Variants in ASTN2 observed in about 807,000 individuals in gnomAD.
The protein encoded by ASTN2 is astrotactin 2.
In ASTN2, 54 loss-of-function variants were observed where a neutral mutation model predicts 139.8. The observed-to-expected ratio is 0.39, with a 90% confidence interval of 0.31 to 0.48. ASTN2 has a LOEUF of 0.48. ASTN2 is among the 20% of genes least tolerant of loss of function. The probability of loss-of-function intolerance (pLI) is 0.95; values close to 1 mark genes in which losing one functional copy is unlikely to be tolerated. For missense variants in ASTN2, 1,565 were observed against 1,725.1 expected, an observed-to-expected ratio of 0.91 and a Z score of 1.64; for synonymous variants, 756 against 719.5, an observed-to-expected ratio of 1.05 and a Z score of -0.81.
Position 116,699,983 on chromosome 9 carries a change from A to C in ASTN2, c.2806+25788T>G, listed in dbSNP as rs1390435706. The stretch of plus-strand genomic sequence containing the variant: ...AGCAATTAGGCACTTCCAAGGCTTT[A>C]GTAGAGAGAGCCACTTTAGCCCTTT... On this transcript the variant is annotated intron_variant, in intron 16 of 22. Transcript: ENST00000313400. This position sits in a 1 kb window ranked among gnomAD's most constrained non-coding sequence, Gnocchi z 4.2. 3 of 526,738 alleles carry C rather than the reference A, an allele frequency of 5.7e-6. No individual in the cohort carries two copies. Among genetic ancestry groups the C allele is most frequent in the Non-Finnish European group, 1.0e-5 (3 of 287,912 alleles). 32.6% of individuals were successfully genotyped at this position (526,738 alleles called of 1,614,324 possible).
At chr9:117,346,652 T>C (rs1189683548) in intron 1 of ASTN2, among the ~76,000 whole-genome samples, 1 of 152,184 alleles carries the variant, frequency 6.6e-6, no homozygotes, top group African/African-American at 2.4e-5. Flanking sequence ...AAAATAACTG[T>C]ACCATCATAT....
At chr9:116,679,587 C>T (rs1203393052) in intron 16 of ASTN2, among the ~76,000 whole-genome samples, 3 of 152,112 alleles carry the variant, frequency 2.0e-5, no homozygotes, top group East Asian at 1.9e-4. Flanking sequence ...GCTGCCCTCA[C>T]CACACCACAC....
chr9:116,711,612 A>C (rs558676033), intron 16 of ASTN2, among the ~76,000 whole-genome samples: 30 of 152,254 alleles, frequency 2.0e-4, no homozygotes, highest in African/African-American at 6.7e-4. Flanking sequence ...AGTATATTCA[A>C]AACTGAACTT....
chr9:117,111,496 A>T (rs1395474860), intron 4 of ASTN2, among the ~76,000 whole-genome samples: 1 of 152,172 alleles, frequency 6.6e-6, no homozygotes, highest in Non-Finnish European at 1.5e-5. Context: ...GGCTTTGATT[A>T]ACAGAACTTT....
chr9:116,546,801 ACT>A (rs1311659028), intron 19 of ASTN2: 1 of 151,964 alleles, frequency 6.6e-6, no homozygotes, highest in Non-Finnish European at 1.5e-5. Flanking sequence ...TAAATTTCCA[ACT>A]CTCTGATGAG....
chr9:116,996,835 C>T (rs10983448), intron 7 of ASTN2, among the ~76,000 whole-genome samples: 2 of 151,788 alleles, frequency 1.3e-5, no homozygotes, highest in Non-Finnish European at 1.5e-5. Flanking sequence ...ATATTTAGAA[C>T]CTTCCTGGAT....
At chr9:116,481,109 TG>T (rs1196575552) in intron 20 of ASTN2, among the ~76,000 whole-genome samples, 7 of 152,216 alleles carry the variant, frequency 4.6e-5, no homozygotes, top group African/African-American at 1.7e-4. Context: ...TGAAGCAGTC[TG>T]GGCATGGTTG....
At chr9:116,797,909 A>C (rs1830744795) in intron 13 of ASTN2, among the ~76,000 whole-genome samples, 1 of 152,196 alleles carries the variant, frequency 6.6e-6, no homozygotes, top group African/African-American at 2.4e-5. Context: ...TGGCTTATTC[A>C]TTTATTAGTG....
At chr9:117,149,973 A>T (rs1236999411) in intron 3 of ASTN2, among the ~76,000 whole-genome samples, 1 of 152,214 alleles carries the variant, frequency 6.6e-6, no homozygotes, top group Non-Finnish European at 1.5e-5. Flanking sequence ...AAAGGAGCAA[A>T]TATAAATTGG....
intron 19 of ASTN2, chr9:116,613,490 A>G (rs1855664810): frequency 6.5e-6 from 1 of 153,138 alleles, no homozygotes; most frequent in African/African-American, 2.4e-5. Context: ...AAATATTGGC[A>G]AACCAAATCC....
intron 5 of ASTN2, among the ~76,000 whole-genome samples, chr9:117,074,772 T>C (rs1008050747): frequency 5.9e-5 from 9 of 152,216 alleles, no homozygotes; most frequent in African/African-American, 2.2e-4. Context: ...CTATATATTA[T>C]GTAAATACAC....
At chr9:116,904,632 T>C (rs1564333202) in intron 10 of ASTN2, among the ~76,000 whole-genome samples, 1 of 152,226 alleles carries the variant, frequency 6.6e-6, no homozygotes, top group African/African-American at 2.4e-5. Flanking sequence ...TTAATACATG[T>C]AAACCACTAA....
chr9:117,120,018 G>GTGTGTGTGTGTATATA (rs1306397698), intron 4 of ASTN2, among the ~76,000 whole-genome samples: 31 of 45,986 alleles, frequency 6.7e-4, no homozygotes, highest in South Asian at 1.1e-3. Flanking sequence ...GTGTGTGTGT[G>GTGTGTGTGTGTATATA]TATATATATA....
At chr9:117,106,928 C>A (rs544819315) in intron 4 of ASTN2, among the ~76,000 whole-genome samples, 19 of 152,266 alleles carry the variant, frequency 1.2e-4, no homozygotes, top group Admixed American at 3.9e-4. Flanking sequence ...CATGTGCACA[C>A]ATCTAGATTT....
intron 19 of ASTN2, among the ~76,000 whole-genome samples, chr9:116,513,802 A>G (rs1031197946): frequency 6.5e-4 from 99 of 152,106 alleles, no homozygotes; most frequent in African/African-American, 2.2e-3. Flanking sequence ...CGGCTACTGA[A>G]GCTTGTGCAT....
chr9:116,971,102 T>C (rs1356874161), intron 10 of ASTN2, among the ~76,000 whole-genome samples: 2 of 152,220 alleles, frequency 1.3e-5, no homozygotes, highest in Non-Finnish European at 2.9e-5. Flanking sequence ...CTGTGGTATA[T>C]GGCATAGTAT....
chr9:116,546,611 C>T (rs1852104509), intron 19 of ASTN2: 1 of 152,204 alleles, frequency 6.6e-6, no homozygotes, highest in South Asian at 2.1e-4. Flanking sequence ...ATTTATGGAG[C>T]ATACACCTGT....
intron 6 of ASTN2, among the ~76,000 whole-genome samples, chr9:117,009,629 T>C (rs1239687514): frequency 6.6e-6 from 1 of 152,162 alleles, no homozygotes; most frequent in Non-Finnish European, 1.5e-5. Flanking sequence ...AGACTTTAAA[T>C]TGTATTTTAT....
At chr9:117,172,059 G>A (rs149742331) in intron 3 of ASTN2, among the ~76,000 whole-genome samples, 278 of 152,232 alleles carry the variant, frequency 1.8e-3, no homozygotes, top group African/African-American at 6.3e-3. Context: ...TATCTATGAA[G>A]CACAGGAAAT....
Sources: allele counts gnomAD v4.1 joint callset (sites outside exome capture counted in the v4.1 genomes callset), GRCh38; gene constraint gnomAD v4.1.1; non-coding constraint Gnocchi (gnomAD v3.1); transcripts MANE v1.5; gene names NCBI Gene and HGNC (gene_info 2026-07-23, HGNC 2026-07-21).